The following TRAPPC8 variants were observed in gnomAD, a reference collection of about 807,000 sequenced individuals.
The protein encoded by TRAPPC8 is general sporulation gene 1 homolog.
In TRAPPC8, 54 loss-of-function variants were observed where a neutral mutation model predicts 174.3. That is an observed-to-expected ratio of 0.31 (90% CI 0.25 to 0.39). TRAPPC8 has a LOEUF of 0.39. Ranked by LOEUF, TRAPPC8 falls within the 10% of genes least tolerant of loss-of-function variation. The pLI is 1.00. For missense variants in TRAPPC8, 1,531 were observed against 1,699.1 expected, an observed-to-expected ratio of 0.90 and a Z score of 1.74; for synonymous variants, 630 against 579.9, an observed-to-expected ratio of 1.09 and a Z score of -1.24.
At chr18:31,912,469 G>A (rs899404052) in intron 5 of TRAPPC8, among the ~76,000 whole-genome samples, 2 of 151,548 alleles carry the variant, frequency 1.3e-5, no homozygotes, top group Admixed American at 1.3e-4. Context: ...CCCAGCCTGG[G>A]CAACAGAGCG....
Position 31,849,547 on chromosome 18 carries a change from A to G in TRAPPC8, c.3735+19T>C. 2 of 1,559,232 alleles carry G rather than the reference A, an allele frequency of 1.3e-6. No individual in the cohort carries two copies. Among genetic ancestry groups the G allele is most frequent in the Non-Finnish European group, 1.7e-6 (2 of 1,151,550 alleles). On this transcript the variant is annotated intron_variant, in intron 25 of 28. Transcript: ENST00000283351. ...GTATCTATAAGTGAGGCTTGCTGAA[A>G]TAATTTAGTAGCACATACCTTCCAT...
chr18:31,923,697 A>G (rs1249717381), intron 2 of TRAPPC8, among the ~76,000 whole-genome samples: 1 of 152,062 alleles, frequency 6.6e-6, no homozygotes, highest in Non-Finnish European at 1.5e-5. Flanking sequence ...TTCATGGCCA[A>G]CATAAAAATA....
At chr18:31,852,856 T>C (rs1169435574) in intron 22 of TRAPPC8, 193 bp from the exon 23 acceptor site, 2 of 571,730 alleles carry the variant, frequency 3.5e-6, no homozygotes, top group Non-Finnish European at 6.2e-6. Context: ...TTTCTCAAAA[T>C]ACATATCCAT....
chr18:31,834,811 C>G (rs17718513), intron 27 of TRAPPC8, among the ~76,000 whole-genome samples: 20,525 of 152,142 alleles, frequency 0.13, 1,892 homozygotes, highest in Middle Eastern at 0.22. Context: ...GCTCTGTGTC[C>G]CACTACCATG....
At position 31,865,956 on chromosome 18, in the gene TRAPPC8, G is replaced by A. The variant is rs999489408; in HGVS notation, c.2590+893C>T. ...TAGTAAAATGTTTTTAGTTTCTATG[G>A]ATTCATTTCACTTATTTTTCTTAAA... On this transcript the variant is annotated intron_variant, in intron 18 of 28. Coordinates refer to ENST00000283351, the MANE Select transcript of TRAPPC8 (RefSeq NM_014939.5). Among the ~76,000 whole-genome samples, 8 of 151,436 alleles carry A rather than the reference G, an allele frequency of 5.3e-5. No homozygotes were observed. In the East Asian group the frequency reaches 1.4e-3, roughly 26 times the overall value.
At chr18:31,923,303 C>T (rs12604691) in intron 2 of TRAPPC8, among the ~76,000 whole-genome samples, 39,603 of 151,784 alleles carry the variant, frequency 0.26, 5,616 homozygotes, top group South Asian at 0.52. Flanking sequence ...AAAAAGACAA[C>T]AGAAACGAAG....
chr18:31,864,895 C>T (rs189591945), intron 18 of TRAPPC8, 114 bp from the exon 19 acceptor site: 1 of 958,666 alleles, frequency 1.0e-6, no homozygotes, highest in Admixed American at 3.2e-5. Context: ...AAATTCTAGA[C>T]AATTTTGATT....
chr18:31,913,593 T>TC, intron 4 of TRAPPC8, 71 bp from the exon 5 acceptor site: 1 of 1,188,540 alleles, frequency 8.4e-7, no homozygotes, highest in Non-Finnish European at 1.1e-6. Context: ...GAGACTAAAG[T>TC]AGTACAAAAA....
chr18:31,901,115 G>GCT, intron 9 of TRAPPC8, 90 bp from the exon 10 acceptor site: 6 of 968,118 alleles, frequency 6.2e-6, no homozygotes, highest in Non-Finnish European at 8.7e-6. Context: ...GAAATTTGCT[G>GCT]TTTTTTTTTT....
Position 31,890,874 on chromosome 18 carries a change from A to G in TRAPPC8, c.1597-8T>C. ...ACTTCGAAGATCAGAATCCTAGTGA[A>G]TGTTTAAAAGAGAAAAAGGTTAGTT... is the stretch of plus-strand genomic sequence containing the variant. On this transcript the variant is annotated splice_region_variant and splice_polypyrimidine_tract_variant and intron_variant, in intron 11 of 28. Coordinates refer to ENST00000283351, the MANE Select transcript of TRAPPC8 (RefSeq NM_014939.5). 6.3e-7 allele frequency: 1 copy of G among 1,597,632 alleles called. No homozygotes were observed. Among genetic ancestry groups the G allele is most frequent in the Non-Finnish European group, 8.5e-7 (1 of 1,173,566 alleles).
chr18:31,888,770 T>A (rs1279884984), intron 12 of TRAPPC8, among the ~76,000 whole-genome samples: 1 of 151,610 alleles, frequency 6.6e-6, no homozygotes, highest in Admixed American at 6.6e-5. Context: ...AGGGGTAGGG[T>A]GGGAGAGGGA....
rs969033878 is a variant in TRAPPC8 at position 31,942,956 on chromosome 18, C to A, written c.-192G>T. 3.5e-6 allele frequency: 4 copies of A among 1,146,496 alleles called. No homozygotes were observed. Among genetic ancestry groups the A allele is most frequent in the South Asian group, 8.3e-5 (2 of 24,070 alleles). The allele number at this position is 1,146,496 out of a possible 1,614,324, so 71.0% of individuals were successfully genotyped here. ...TCTGGGGCACAATCCACTGACCCCC[C>A]CCTTCCCGTCACCGCCGCTTCTCAG... On this transcript the variant is annotated 5_prime_UTR_variant, in exon 1 of 29. Transcript: ENST00000283351.
chr18:31,849,437 G>A (rs2033589460), intron 25 of TRAPPC8, 129 bp downstream of exon 25: 1 of 821,818 alleles, frequency 1.2e-6, no homozygotes. Flanking sequence ...ATATGTAACT[G>A]TTAAAGTTTC....
rs190942006 is a variant in TRAPPC8 at position 31,884,468 on chromosome 18, T to C, written c.1728+6267A>G. Among the ~76,000 whole-genome samples, 16 of 152,350 alleles carry C rather than the reference T, an allele frequency of 1.1e-4. No individual in the cohort carries two copies. The South Asian group carries it at 1.7e-3, about 16-fold the overall frequency. On this transcript the variant is annotated intron_variant, in intron 12 of 28. Coordinates refer to ENST00000283351, the MANE Select transcript of TRAPPC8 (RefSeq NM_014939.5). ...ACACAACTGGTTTGTTCTGTAGTGA[T>C]AGAGTTTGGTATTCTTTTCTTCTGG...
At chr18:31,859,790 GGCA>G (rs2034229309) in intron 19 of TRAPPC8, among the ~76,000 whole-genome samples, 1 of 152,090 alleles carries the variant, frequency 6.6e-6, no homozygotes, top group Non-Finnish European at 1.5e-5. Flanking sequence ...TTGGGAGGTG[GGCA>G]GATCACGAGG....
intron 6 of TRAPPC8, 46 bp from the exon 7 acceptor site, chr18:31,909,056 A>C (rs2036794791): frequency 6.5e-7 from 1 of 1,549,362 alleles, no homozygotes; most frequent in Non-Finnish European, 8.7e-7. Flanking sequence ...ATGCAACAGA[A>C]AACAGTGCTA....
chr18:31,894,760 A>C (rs1406445892), intron 11 of TRAPPC8, among the ~76,000 whole-genome samples: 1 of 152,184 alleles, frequency 6.6e-6, no homozygotes, highest in Non-Finnish European at 1.5e-5. Flanking sequence ...AGTTAACAGG[A>C]AAGGTGCTAT....
intron 9 of TRAPPC8, among the ~76,000 whole-genome samples, chr18:31,904,716 A>C (rs1337267430): frequency 6.6e-6 from 1 of 152,140 alleles, no homozygotes. Flanking sequence ...CCATGTGACA[A>C]AATATCGTAC....
chr18:31,883,351 G>A (rs1022409464), intron 12 of TRAPPC8: 1 of 151,712 alleles, frequency 6.6e-6, no homozygotes, highest in South Asian at 2.1e-4. Context: ...CACTATAAAA[G>A]TACACCCTGT....
Sources: allele counts gnomAD v4.1 joint callset (sites outside exome capture counted in the v4.1 genomes callset), GRCh38; gene constraint gnomAD v4.1.1; transcripts MANE v1.5; gene names NCBI Gene and HGNC (gene_info 2026-07-23, HGNC 2026-07-21).